FADS1: variants seen among roughly 807,000 people sequenced by gnomAD.
FADS1 encodes fatty acid desaturase 1, also known as acyl-CoA (8-3)-desaturase.
A neutral mutation model predicts 61.6 loss-of-function variants in FADS1; 17 were observed. That is an observed-to-expected ratio of 0.28 (90% confidence interval 0.19 to 0.41). The LOEUF is 0.41. Among genes scored for constraint, FADS1 ranks in the 10% least tolerant of loss-of-function variants. The pLI, the probability that FADS1 is intolerant of heterozygous loss-of-function variation, is 1.00. For synonymous variants in FADS1, 238 were observed against 258.7 expected, an observed-to-expected ratio of 0.92 and a Z score of 0.77; for missense variants, 387 against 650.9, an observed-to-expected ratio of 0.59 and a Z score of 4.41.
At position 61,803,287 on chromosome 11, in the gene FADS1, G is replaced by A. The variant is rs563965071; in HGVS notation, c.1248+76C>T. 230 of 1,370,590 alleles carry A rather than the reference G, an allele frequency of 1.7e-4. 1 individual carries two copies. The South Asian group carries it at 2.5e-3, about 15-fold the overall frequency. 84.9% of individuals were successfully genotyped at this position (1,370,590 alleles called of 1,614,324 possible). ...GAAAATGCTGTTTGGGGGACTTTTT[G>A]TTTTTGCTGTTTTCACCTACGCATC... On this transcript the variant is annotated intron_variant, in intron 9 of 11. Transcript: ENST00000350997. This position sits in a 1 kb window ranked among gnomAD's most constrained non-coding sequence, Gnocchi z 4.3.
In FADS1 at chr11:61,802,491, G is replaced by A. The variant is rs758679426; in HGVS notation, c.1455-29C>T. On this transcript the variant is annotated intron_variant, in intron 11 of 11. Transcript: ENST00000350997. The surrounding 1 kb of genome is among the most constrained non-coding windows in gnomAD (Gnocchi z 4.2). ...CAGGGACAAAATGGGGGCAGACAGTGAGGGAGACAAGCAGAGTTGAACCCA... is the reference window on the plus strand; with the variant it reads ...CAGGGACAAAATGGGGGCAGACAGTAAGGGAGACAAGCAGAGTTGAACCCA... 10 of 1,554,486 alleles carry A rather than the reference G, an allele frequency of 6.4e-6. No individual in the cohort carries two copies. In the East Asian group the frequency reaches 1.9e-4, roughly 30 times the overall value.
intron 6 of FADS1, chr11:61,805,013 C>T: frequency 1.8e-6 from 1 of 562,592 alleles, no homozygotes; most frequent in East Asian, 2.9e-5. Context: ...GCGAGTGGCA[C>T]TCTTCAGTGA....
At position 61,813,242 on chromosome 11, in the gene FADS1, C is replaced by T; in HGVS notation, c.486+1G>A. 1 of 1,582,406 alleles carries T rather than the reference C, an allele frequency of 6.3e-7. No homozygotes were observed. Among genetic ancestry groups the T allele is most frequent in the Non-Finnish European group, 8.7e-7 (1 of 1,151,688 alleles). ...GCGACATAGCAAACACAGGGTCTTACATTCTTGGTGGGCTCAAAGCTGGGC... is the reference window on the plus strand; with the variant it reads ...GCGACATAGCAAACACAGGGTCTTATATTCTTGGTGGGCTCAAAGCTGGGC... On this transcript the variant is annotated splice_donor_variant, in intron 2 of 11. Coordinates refer to ENST00000350997, the MANE Select transcript of FADS1 (RefSeq NM_013402.7). LOFTEE classifies it high-confidence loss of function.
chr11:61,812,387 C>T, intron 3 of FADS1, 84 bp downstream of exon 3: 1 of 1,305,250 alleles, frequency 7.7e-7, no homozygotes, highest in Non-Finnish European at 1.1e-6. Flanking sequence ...AGGGCAGGCA[C>T]TCTTGGCCTT....
At chr11:61,811,133 G>T in intron 3 of FADS1, 58 bp from the exon 4 acceptor site, 1 of 1,268,384 alleles carries the variant, frequency 7.9e-7, no homozygotes, top group Non-Finnish European at 1.1e-6. Flanking sequence ...CGCCTTCACT[G>T]ACCTCGATGC....
intron 2 of FADS1, among the ~76,000 whole-genome samples, 193 bp downstream of exon 2, chr11:61,813,050 A>G (rs1217900217): frequency 1.3e-5 from 2 of 152,190 alleles, no homozygotes; most frequent in African/African-American, 4.8e-5. Context: ...TGGGGGAGCC[A>G]TAGGTTGCAA....
At chr11:61,809,320 A>AT (rs964412809) in intron 5 of FADS1, among the ~76,000 whole-genome samples, 4 of 151,364 alleles carry the variant, frequency 2.6e-5, no homozygotes, top group Non-Finnish European at 4.4e-5. Context: ...TCTGTTTACA[A>AT]TTTTTTTTTG....
intron 1 of FADS1, among the ~76,000 whole-genome samples, chr11:61,813,925 C>T (rs1307934535): frequency 6.8e-6 from 1 of 148,140 alleles, no homozygotes; most frequent in Non-Finnish European, 1.5e-5. Flanking sequence ...GCCGAGATCG[C>T]GCCACTGCAC....
rs1289461988 is a variant in FADS1, at chr11:61,816,317, G to C, written c.375+238C>G. 6.3e-7 allele frequency: 1 copy of C among 1,598,254 alleles called. No individual in the cohort carries two copies. The highest frequency in any genetic ancestry group is 8.5e-7 in the Non-Finnish European group (1 of 1,179,794). On this transcript the variant is annotated intron_variant, in intron 1 of 11. Transcript: ENST00000350997. This position sits in a 1 kb window ranked among gnomAD's most constrained non-coding sequence, Gnocchi z 7.0. ...GGCAGGGAGGCGGGACCCTTTGTTT[G>C]TGTGTGCGTGTTGTTGGCCTCCATC...
At position 61,802,379 on chromosome 11, in the gene FADS1, C is replaced by G; in HGVS notation, c.*32G>C. The G allele has an allele frequency of 1.3e-6, 2 of 1,552,686 alleles. No homozygotes were observed. The highest frequency in any genetic ancestry group is 1.7e-6 in the Non-Finnish European group (2 of 1,144,316). On this transcript the variant is annotated 3_prime_UTR_variant, in exon 12 of 12. Transcript: ENST00000350997. The surrounding 1 kb of genome is among the most constrained non-coding windows in gnomAD (Gnocchi z 4.2). ...CTGCCTTGGCTCCAGAGTCTTCCTCCTCTTCTTCCAGACTGGGCAGGGTGG... is the reference window on the plus strand; with the variant it reads ...CTGCCTTGGCTCCAGAGTCTTCCTCGTCTTCTTCCAGACTGGGCAGGGTGG...
chr11:61,808,043 T>G (rs2066905761), intron 5 of FADS1, among the ~76,000 whole-genome samples: 1 of 152,078 alleles, frequency 6.6e-6, no homozygotes, highest in Non-Finnish European at 1.5e-5. Context: ...GGTGATAAAT[T>G]TGTAAACAGA....
rs2066863912 is a variant in FADS1 at position 61,802,597 on chromosome 11, G to T, written c.1455-135C>A. The T allele has an allele frequency of 1.7e-6, 2 of 1,211,992 alleles. No individual in the cohort carries two copies. The highest frequency in any genetic ancestry group is 2.5e-5 in the East Asian group (1 of 39,482). 75.1% of individuals were successfully genotyped at this position (1,211,992 alleles called of 1,614,324 possible). ...TCTACTTTAGAGAAAGCTAGCTTGG[G>T]CCATGGTACTGAGGGGAACCCCAAT... is the stretch of plus-strand genomic sequence containing the variant. On this transcript the variant is annotated intron_variant, in intron 11 of 11. Transcript: ENST00000350997. This position sits in a 1 kb window ranked among gnomAD's most constrained non-coding sequence, Gnocchi z 4.2.
At chr11:61,813,062 G>A (rs957106652) in intron 2 of FADS1, among the ~76,000 whole-genome samples, 181 bp downstream of exon 2, 2 of 152,184 alleles carry the variant, frequency 1.3e-5, no homozygotes, top group Non-Finnish European at 2.9e-5. Context: ...AGGTTGCAAA[G>A]CCATGCTCCC....
rs2066852647 is a variant in FADS1, at chr11:61,801,055, A to G, written c.*1356T>C. The G allele has an allele frequency of 6.6e-6, 1 of 152,346 alleles. No individual in the cohort carries two copies. Among genetic ancestry groups the G allele is most frequent in the Non-Finnish European group, 1.5e-5 (1 of 68,036 alleles). 9.4% of individuals were successfully genotyped at this position (152,346 alleles called of 1,614,324 possible). A position where few individuals can be genotyped will look rare whatever the true frequency, so the allele number is the denominator to read the frequency against. ...CCTAGCTACAGCAATAGAAATCACA[A>G]ACTGTTCTGTGGTTTTAATCTTCCT... On this transcript the variant is annotated 3_prime_UTR_variant, in exon 12 of 12. Coordinates refer to ENST00000350997, the MANE Select transcript of FADS1 (RefSeq NM_013402.7).
At position 61,815,177 on chromosome 11, in the gene FADS1, C is replaced by T. The variant is rs564195861; in HGVS notation, c.375+1378G>A. The T allele has an allele frequency of 1.2e-5, 2 of 162,556 alleles. No individual in the cohort carries two copies. Among genetic ancestry groups the T allele is most frequent in the South Asian group, 2.0e-4 (1 of 4,900 alleles). The allele number at this position is 162,556 out of a possible 1,614,324, so 10.1% of individuals were successfully genotyped here. A position where few individuals can be genotyped will look rare whatever the true frequency, so the allele number is the denominator to read the frequency against. On this transcript the variant is annotated intron_variant, in intron 1 of 11. Transcript: ENST00000350997. The surrounding 1 kb of genome is among the most constrained non-coding windows in gnomAD (Gnocchi z 6.4). The stretch of plus-strand genomic sequence containing the variant: ...GCGGCGTGTGGGGCGGGGGCCGGGG[C>T]GGAGCCGGCGGCCGGTGGCACCACA...
At position 61,801,565 on chromosome 11, in the gene FADS1, T is replaced by C. The variant is rs1427387274; in HGVS notation, c.*846A>G. ...CCTGGAGGGAATAAACCAAAATCAG[T>C]GGTTCCAGGATCCTTCAGAGCCAAA... On this transcript the variant is annotated 3_prime_UTR_variant, in exon 12 of 12. Transcript: ENST00000350997. 6.6e-6 allele frequency: 1 copy of C among 152,356 alleles called. No individual in the cohort carries two copies. The highest frequency in any genetic ancestry group is 2.4e-5 in the African/African-American group (1 of 41,444). 9.4% of individuals were successfully genotyped at this position (152,356 alleles called of 1,614,324 possible).
Position 61,816,359 on chromosome 11 carries a change from C to G in FADS1, c.375+196G>C, listed in dbSNP as rs2135943385. The G allele has an allele frequency of 6.3e-7, 1 of 1,598,462 alleles. No individual in the cohort carries two copies. Among genetic ancestry groups the G allele is most frequent in the East Asian group, 2.2e-5 (1 of 44,876 alleles). ...GCCTCCATCCCCACTCCCCAGACTC[C>G]ACTTCTCCAGGCCTCTCTCCCGCCT... On this transcript the variant is annotated intron_variant, in intron 1 of 11. Coordinates refer to ENST00000350997, the MANE Select transcript of FADS1 (RefSeq NM_013402.7). The surrounding 1 kb of genome is among the most constrained non-coding windows in gnomAD (Gnocchi z 7.0).
chr11:61,816,458 A>T lies in FADS1; in HGVS notation c.375+97T>A, dbSNP rs750647716. The T allele has an allele frequency of 3.1e-6, 5 of 1,600,090 alleles. No homozygotes were observed. The East Asian group carries it at 8.9e-5, about 29-fold the overall frequency. On this transcript the variant is annotated intron_variant, in intron 1 of 11. Coordinates refer to ENST00000350997, the MANE Select transcript of FADS1 (RefSeq NM_013402.7). The surrounding 1 kb of genome is among the most constrained non-coding windows in gnomAD (Gnocchi z 7.0). ...TCAGGCGCCTCCGGGCTTTCCTCCG[A>T]ATTAGTCGGTGTTTGGCTCGGAGTG...
In FADS1 at chr11:61,802,694, C is replaced by T. The variant is rs2066864529; in HGVS notation, c.1454+107G>A. 7 of 1,506,492 alleles carry T rather than the reference C, an allele frequency of 4.6e-6. No individual in the cohort carries two copies. In the East Asian group the frequency reaches 6.8e-5, roughly 15 times the overall value. 93.3% of individuals were successfully genotyped at this position (1,506,492 alleles called of 1,614,324 possible). A position where few individuals can be genotyped will look rare whatever the true frequency, so the allele number is the denominator to read the frequency against. ...CTTTGCCATGGTGAACTCCATCCCACACGACTGGGAACACCTTCTGTTCAC... is the reference window on the plus strand; with the variant it reads ...CTTTGCCATGGTGAACTCCATCCCATACGACTGGGAACACCTTCTGTTCAC... On this transcript the variant is annotated intron_variant, in intron 11 of 11. Transcript: ENST00000350997. The surrounding 1 kb of genome is among the most constrained non-coding windows in gnomAD (Gnocchi z 4.2).
Sources: allele counts gnomAD v4.1 joint callset (sites outside exome capture counted in the v4.1 genomes callset), GRCh38; gene constraint gnomAD v4.1.1; non-coding constraint Gnocchi (gnomAD v3.1); transcripts MANE v1.5; gene names NCBI Gene and HGNC (gene_info 2026-07-23, HGNC 2026-07-21).